TMEM163: variants seen among roughly 807,000 people sequenced by gnomAD.
TMEM163 encodes transmembrane protein 163.
A neutral mutation model predicts 29.3 loss-of-function variants in TMEM163; 17 were observed. That is an observed-to-expected ratio of 0.58 (90% CI 0.40 to 0.87). The LOEUF (loss-of-function observed/expected upper bound fraction) is 0.87, where lower values mean the gene tolerates loss of function less well. TMEM163 is among the 40% of genes least tolerant of loss of function. TMEM163 has a pLI of 0.00. For missense variants in TMEM163, 303 were observed against 381.5 expected, an observed-to-expected ratio of 0.79 and a Z score of 1.71; for synonymous variants, 157 against 160.6, an observed-to-expected ratio of 0.98 and a Z score of 0.17.
rs563350237 is a variant in TMEM163, at chr2:134,671,415, G to A, written c.322+41785C>T. Among the ~76,000 whole-genome samples the A allele has an allele frequency of 1.5e-4, 23 of 152,084 alleles. No individual in the cohort carries two copies. The South Asian group carries it at 3.5e-3, about 23-fold the overall frequency. On this transcript the variant is annotated intron_variant, in intron 2 of 7. Transcript: ENST00000281924. ...AGATCCAGCCACAGATGACCATGGC[G>A]CTGCCCTCCCTCTCCCATGTCTGGC...
At chr2:134,703,707 T>C (rs1324873808) in intron 2 of TMEM163, among the ~76,000 whole-genome samples, 1 of 152,070 alleles carries the variant, frequency 6.6e-6, no homozygotes, top group Non-Finnish European at 1.5e-5. Context: ...CCCTGTTATT[T>C]ACACAAGTAA....
chr2:134,649,771 T>C (rs2104846550), intron 2 of TMEM163, among the ~76,000 whole-genome samples: 1 of 152,174 alleles, frequency 6.6e-6, no homozygotes, highest in East Asian at 1.9e-4. Context: ...TCCAGAATTT[T>C]GGGAGGCTGA....
Position 134,718,700 on chromosome 2 carries a change from C to T in TMEM163, c.202+34G>A, listed in dbSNP as rs188562594. 9.1e-3 allele frequency: 10,357 copies of T among 1,133,276 alleles called. 740 individuals carry two copies. The African/African-American group carries it at 0.15, about 17-fold the overall frequency. 70.2% of individuals were successfully genotyped at this position (1,133,276 alleles called of 1,614,324 possible). A position where few individuals can be genotyped will look rare whatever the true frequency, so the allele number is the denominator to read the frequency against. Reference sequence around the variant, plus strand: ...AGAGGCGGGCCCCGAGCAGCCACCCCGGTCGCCGGCCGGGTCGGGCAGCTC... The same window carrying T: ...AGAGGCGGGCCCCGAGCAGCCACCCTGGTCGCCGGCCGGGTCGGGCAGCTC... On this transcript the variant is annotated intron_variant, in intron 1 of 7. Coordinates refer to ENST00000281924, the MANE Select transcript of TMEM163 (RefSeq NM_030923.5).
At chr2:134,657,145 G>A (rs898344478) in intron 2 of TMEM163, among the ~76,000 whole-genome samples, 3 of 152,172 alleles carry the variant, frequency 2.0e-5, no homozygotes. Context: ...CAATTTTTCG[G>A]AATACTTTTA....
chr2:134,501,142 G>A (rs549926339), intron 5 of TMEM163, among the ~76,000 whole-genome samples: 3 of 152,196 alleles, frequency 2.0e-5, no homozygotes, highest in African/African-American at 7.2e-5. Context: ...AAAAAAATAA[G>A]TAAATTAAAT....
At chr2:134,533,709 C>T (rs546225299) in intron 4 of TMEM163, among the ~76,000 whole-genome samples, 60 of 152,230 alleles carry the variant, frequency 3.9e-4, no homozygotes, top group South Asian at 1.2e-3. Flanking sequence ...ATAATGCACC[C>T]GTGGCCTCCT....
chr2:134,579,897 T>C (rs1681652912), intron 2 of TMEM163, among the ~76,000 whole-genome samples: 1 of 152,204 alleles, frequency 6.6e-6, no homozygotes, highest in African/African-American at 2.4e-5. Context: ...TGGTAATGAT[T>C]TGTTCTCTCA....
At chr2:134,598,796 T>C (rs1371101932) in intron 2 of TMEM163, among the ~76,000 whole-genome samples, 1 of 151,818 alleles carries the variant, frequency 6.6e-6, no homozygotes, top group Non-Finnish European at 1.5e-5. Flanking sequence ...GGCTCATGCC[T>C]GAAGTCCCAG....
At chr2:134,593,416 ACAGT>A (rs56359954) in intron 2 of TMEM163, among the ~76,000 whole-genome samples, 93,461 of 151,508 alleles carry the variant, frequency 0.62, 30,443 homozygotes, top group African/African-American at 0.77. Flanking sequence ...GGCCAAAGAG[ACAGT>A]CAGTCCCCTC....
At chr2:134,611,328 A>G (rs1463099239) in intron 2 of TMEM163, among the ~76,000 whole-genome samples, 1 of 152,244 alleles carries the variant, frequency 6.6e-6, no homozygotes, top group Non-Finnish European at 1.5e-5. Flanking sequence ...AAACAGGGAA[A>G]TATAGTCCCT....
chr2:134,535,717 G>GTTTTTT (rs59227102), intron 4 of TMEM163, among the ~76,000 whole-genome samples: 7 of 142,478 alleles, frequency 4.9e-5, no homozygotes, highest in African/African-American at 1.9e-4. Context: ...TATTTGTATG[G>GTTTTTT]TTTTTTTTTT....
At chr2:134,458,328 G>C in intron 6 of TMEM163, 155 bp from the exon 7 acceptor site, 3 of 810,300 alleles carry the variant, frequency 3.7e-6, no homozygotes, top group Non-Finnish European at 3.9e-6. Context: ...GGCCCATCAA[G>C]TCTCTGCTCA....
chr2:134,550,448 C>T (rs1680888734), intron 4 of TMEM163, 122 bp downstream of exon 4: 2 of 870,656 alleles, frequency 2.3e-6, no homozygotes, highest in Non-Finnish European at 3.7e-6. Context: ...TCAGAAGCAA[C>T]CTGGGGACCT....
chr2:134,545,639 C>T (rs1044412219), intron 4 of TMEM163, among the ~76,000 whole-genome samples: 1 of 152,164 alleles, frequency 6.6e-6, no homozygotes. Context: ...CCAAATTCTA[C>T]ACACATTCCT....
chr2:134,572,778 T>A (rs559385137), intron 2 of TMEM163, among the ~76,000 whole-genome samples: 2 of 152,216 alleles, frequency 1.3e-5, no homozygotes, highest in South Asian at 4.1e-4. Flanking sequence ...TGATCTGAAA[T>A]GAGCTCCACT....
chr2:134,557,193 T>C (rs1385909201), intron 2 of TMEM163, among the ~76,000 whole-genome samples: 2 of 152,218 alleles, frequency 1.3e-5, no homozygotes, highest in Non-Finnish European at 2.9e-5. Flanking sequence ...TTACGAGAGA[T>C]AATTCGGGCA....
intron 2 of TMEM163, among the ~76,000 whole-genome samples, chr2:134,591,825 C>T (rs890787089): frequency 5.3e-5 from 8 of 151,298 alleles, no homozygotes; most frequent in African/African-American, 1.7e-4. Context: ...TCAGAAGCAA[C>T]ACAATCTTAT....
intron 2 of TMEM163, among the ~76,000 whole-genome samples, chr2:134,643,677 ACT>A (rs1201790979): frequency 1.3e-5 from 2 of 151,930 alleles, no homozygotes; most frequent in East Asian, 3.9e-4. Context: ...AAAAAAAACA[ACT>A]CTTAGGAAAC....
At position 134,567,153 on chromosome 2, in the gene TMEM163, T is replaced by C. The variant is rs140009993; in HGVS notation, c.323-15062A>G. Reference sequence around the variant, plus strand: ...TGTGTATGTATAATATCTGCACGTATTTCTGAGGCGGGAGATAGGGGTTCA... The same window carrying C: ...TGTGTATGTATAATATCTGCACGTACTTCTGAGGCGGGAGATAGGGGTTCA... On this transcript the variant is annotated intron_variant, in intron 2 of 7. Coordinates refer to ENST00000281924, the MANE Select transcript of TMEM163 (RefSeq NM_030923.5). 6.2e-3 allele frequency among the ~76,000 whole-genome samples: 945 copies of C among 152,316 alleles called. 5 individuals carry two copies. The highest frequency in any genetic ancestry group is 0.021 in the African/African-American group (862 of 41,558).
Sources: gnomAD v4.1 joint callset for allele counts (sites outside exome capture counted in the v4.1 genomes callset) on GRCh38, gnomAD v4.1.1 for gene constraint, MANE v1.5 for transcripts, NCBI Gene and HGNC (gene_info 2026-07-23, HGNC 2026-07-21) for gene names.